Variants in MTCL2 observed in about 807,000 individuals in gnomAD.
MTCL2 encodes microtubule crosslinking factor 2.
the MTCL2 span, chr20:36,794,480 C>T: frequency 6.2e-7 from 1 of 1,614,056 alleles, no homozygotes; most frequent in South Asian, 1.1e-5. This position sits in a 1 kb window ranked among gnomAD's most constrained non-coding sequence, Gnocchi z 5.4. Flanking sequence ...TGGCTCGGAG[C>T]TCACAAAGCC....
At chr20:36,815,618 G>A in the MTCL2 span, 28 of 1,600,342 alleles carry the variant, frequency 1.7e-5, no homozygotes, top group Non-Finnish European at 2.4e-5. The surrounding 1 kb of genome is among the most constrained non-coding windows in gnomAD (Gnocchi z 5.3). Context: ...TACTCTGGCA[G>A]GAGGCGAGGT....
At chr20:36,820,644 C>T in the MTCL2 span, among the ~76,000 whole-genome samples, 2 of 152,026 alleles carry the variant, frequency 1.3e-5, no homozygotes, top group Non-Finnish European at 1.5e-5. Context: ...GAGTTTGAGA[C>T]CAGCCTGGCC....
chr20:36,815,797 A>C, the MTCL2 span: 4 of 1,592,158 alleles, frequency 2.5e-6, no homozygotes, highest in Non-Finnish European at 3.4e-6. This position sits in a 1 kb window ranked among gnomAD's most constrained non-coding sequence, Gnocchi z 5.3. Flanking sequence ...TCGTGCTCCG[A>C]GCGGAACTTG....
the MTCL2 span, among the ~76,000 whole-genome samples, chr20:36,798,444 G>A: frequency 1.3e-5 from 2 of 152,236 alleles, no homozygotes; most frequent in African/African-American, 4.8e-5. Flanking sequence ...GCAGATGAGA[G>A]GATCAAGACT....
the MTCL2 span, among the ~76,000 whole-genome samples, chr20:36,811,782 C>T: frequency 6.6e-6 from 1 of 152,190 alleles, no homozygotes; most frequent in Non-Finnish European, 1.5e-5. Context: ...CTCCTTCCCA[C>T]ATAGTCATGG....
the MTCL2 span, chr20:36,815,637 T>G: frequency 6.2e-7 from 1 of 1,605,976 alleles, no homozygotes; most frequent in African/African-American, 1.3e-5. This position sits in a 1 kb window ranked among gnomAD's most constrained non-coding sequence, Gnocchi z 5.3. Flanking sequence ...GTCACAGCGC[T>G]GGAGGTTGGA....
chr20:36,861,362 G>A, the MTCL2 span, among the ~76,000 whole-genome samples: 3 of 152,126 alleles, frequency 2.0e-5, no homozygotes, highest in Non-Finnish European at 4.4e-5. Flanking sequence ...AGGAGACTGA[G>A]GCCTGGCTTG....
At chr20:36,792,479 T>G in the MTCL2 span, among the ~76,000 whole-genome samples, 1 of 151,470 alleles carries the variant, frequency 6.6e-6, no homozygotes, top group East Asian at 1.9e-4. Flanking sequence ...CACTCAAGCC[T>G]GGGGGACAAG....
the MTCL2 span, among the ~76,000 whole-genome samples, chr20:36,820,511 C>T: frequency 6.6e-6 from 1 of 152,182 alleles, no homozygotes; most frequent in Non-Finnish European, 1.5e-5. Flanking sequence ...AAAATGTGGT[C>T]TATCCACACA....
At chr20:36,844,392 CAAA>C in the MTCL2 span, among the ~76,000 whole-genome samples, 1,814 of 149,050 alleles carry the variant, frequency 0.012, 33 homozygotes, top group African/African-American at 0.041. Flanking sequence ...CTCATCTCTA[CAAA>C]AAAAAAATAA....
chr20:36,793,834 G>A, the MTCL2 span: 1 of 1,544,374 alleles, frequency 6.5e-7, no homozygotes, highest in Non-Finnish European at 8.7e-7. This position sits in a 1 kb window ranked among gnomAD's most constrained non-coding sequence, Gnocchi z 6.8. Context: ...AGATCTGCTT[G>A]CTGCGCACAG....
the MTCL2 span, among the ~76,000 whole-genome samples, chr20:36,829,769 A>G: frequency 0.32 from 48,773 of 151,698 alleles, 8,479 homozygotes; most frequent in Middle Eastern, 0.45. Flanking sequence ...AGGTCGAGAC[A>G]GGTGGATCAC....
the MTCL2 span, chr20:36,808,564 C>A: frequency 6.2e-7 from 1 of 1,610,608 alleles, no homozygotes; most frequent in Non-Finnish European, 8.5e-7. Flanking sequence ...GCCGCCAGCG[C>A]TTGAGGAACC....
chr20:36,785,912 C>T, the MTCL2 span: 27 of 986,606 alleles, frequency 2.7e-5, no homozygotes, highest in Admixed American at 6.1e-5. Context: ...TCCCTAGTGT[C>T]CCAGCAATCT....
At chr20:36,802,570 G>C in the MTCL2 span, among the ~76,000 whole-genome samples, 1 of 152,110 alleles carries the variant, frequency 6.6e-6, no homozygotes. Context: ...TAAGCTGTAA[G>C]ATATGAGCAT....
the MTCL2 span, among the ~76,000 whole-genome samples, chr20:36,855,299 A>G: frequency 6.6e-6 from 1 of 152,234 alleles, no homozygotes; most frequent in Non-Finnish European, 1.5e-5. Context: ...AGGAAAAGGC[A>G]GAGCTGGGAT....
the MTCL2 span, among the ~76,000 whole-genome samples, chr20:36,849,484 G>A: frequency 6.6e-6 from 1 of 152,010 alleles, no homozygotes; most frequent in Non-Finnish European, 1.5e-5. Context: ...ACCCAGGCTG[G>A]AGCACAGTGG....
the MTCL2 span, among the ~76,000 whole-genome samples, chr20:36,830,579 A>G: frequency 6.6e-6 from 1 of 152,158 alleles, no homozygotes; most frequent in Non-Finnish European, 1.5e-5. Flanking sequence ...TAAAAACAAA[A>G]CAAAGCAAAG....
the MTCL2 span, among the ~76,000 whole-genome samples, chr20:36,813,965 A>C: frequency 2.6e-5 from 4 of 152,028 alleles, no homozygotes; most frequent in Non-Finnish European, 5.9e-5. Context: ...GTGTCTTTGC[A>C]CAGGCTATTT....
Sources: allele counts gnomAD v4.1 joint callset (sites outside exome capture counted in the v4.1 genomes callset), GRCh38; gene constraint gnomAD v4.1.1; non-coding constraint Gnocchi (gnomAD v3.1); transcripts MANE v1.5; gene names NCBI Gene and HGNC (gene_info 2026-07-23, HGNC 2026-07-21).